SCARB1: variants seen among roughly 807,000 people sequenced by gnomAD.
SCARB1 encodes CD36 and LIMPII analogous 1.
Under a neutral mutation model 57.2 loss-of-function variants are expected in SCARB1, and 30 were observed. The observed-to-expected ratio is 0.52, with a 90% CI of 0.39 to 0.71. SCARB1 has a LOEUF of 0.71. Among genes scored for constraint, SCARB1 ranks in the 30% least tolerant of loss-of-function variants. SCARB1 has a pLI of 0.00. For synonymous variants in SCARB1, 249 were observed against 268.3 expected (o/e 0.93, Z 0.70); for missense variants, 543 against 671.2 (o/e 0.81, Z 2.11).
At chr12:124,819,129 TA>T (rs56299837) in intron 1 of SCARB1, among the ~76,000 whole-genome samples, 104,860 of 137,606 alleles carry the variant, frequency 0.76, 40,263 homozygotes, top group Non-Finnish European at 0.86. Context: ...CCCTGTCTCA[TA>T]AAAAAAAAAA....
chr12:124,793,310 T>A (rs1949796997), intron 9 of SCARB1, among the ~76,000 whole-genome samples: 1 of 152,136 alleles, frequency 6.6e-6, no homozygotes, highest in Non-Finnish European at 1.5e-5. Context: ...CAAATCAGTA[T>A]AATCCCTCAC....
Position 124,778,572 on chromosome 12 carries a change from G to A in SCARB1, c.*15C>T, listed in dbSNP as rs568188228. The A allele has an allele frequency of 5.7e-5, 79 of 1,397,636 alleles. No homozygotes were observed. The highest frequency in any genetic ancestry group is 2.6e-4 in the South Asian group (16 of 60,424). The allele number at this position is 1,397,636 out of a possible 1,614,324, so 86.6% of individuals were successfully genotyped here. A position where few individuals can be genotyped will look rare whatever the true frequency, so the allele number is the denominator to read the frequency against. Reference sequence around the variant, plus strand: ...CAGCGGCCAGGCCTGGCTGGCTCACGGTGTCCTCAGGACCCTGTGGAGAAA... The same window carrying A: ...CAGCGGCCAGGCCTGGCTGGCTCACAGTGTCCTCAGGACCCTGTGGAGAAA... On this transcript the variant is annotated 3_prime_UTR_variant, in exon 13 of 13. Coordinates refer to ENST00000261693, the MANE Select transcript of SCARB1 (RefSeq NM_005505.5).
intron 9 of SCARB1, 113 bp from the exon 10 acceptor site, chr12:124,787,570 A>C (rs1594191352): frequency 1.2e-6 from 1 of 849,070 alleles, no homozygotes. Context: ...CACACACTAA[A>C]CCCTCACCAC....
intron 1 of SCARB1, among the ~76,000 whole-genome samples, chr12:124,842,237 G>T (rs1264924938): frequency 6.6e-6 from 1 of 152,262 alleles, no homozygotes; most frequent in South Asian, 2.1e-4. Context: ...TGCCAGTGCT[G>T]CCTCTGGCCC....
chr12:124,801,026 G>A (rs1594232703), intron 7 of SCARB1, among the ~76,000 whole-genome samples: 2 of 152,062 alleles, frequency 1.3e-5, no homozygotes, highest in East Asian at 1.9e-4. Flanking sequence ...TGGACAATAT[G>A]GCAAGATCCT....
chr12:124,826,778 GA>G (rs948920203), intron 1 of SCARB1, among the ~76,000 whole-genome samples: 1 of 150,438 alleles, frequency 6.6e-6, no homozygotes, highest in Non-Finnish European at 1.5e-5. Flanking sequence ...TATTTTTAAA[GA>G]AAAAAAAATC....
chr12:124,842,281 A>C (rs1951938633), intron 1 of SCARB1, among the ~76,000 whole-genome samples: 1 of 152,184 alleles, frequency 6.6e-6, no homozygotes, highest in African/African-American at 2.4e-5. Flanking sequence ...ACAGGCCTCT[A>C]AGGCTCCAAT....
intron 11 of SCARB1, chr12:124,785,140 C>T (rs777385020): frequency 1.6e-4 from 24 of 152,448 alleles, no homozygotes; most frequent in Non-Finnish European, 3.1e-4. Flanking sequence ...CCATCGACTT[C>T]CTCACGCACT....
rs185914119 is a variant in SCARB1 at position 124,837,762 on chromosome 12, G to C, written c.127-20055C>G. The stretch of plus-strand genomic sequence containing the variant: ...ACCTATAAAAAAAAAAAATGAGCCA[G>C]GCGTGGTGGCACATGCCTGTTGTCC... On this transcript the variant is annotated intron_variant, in intron 1 of 12. Coordinates refer to ENST00000261693, the MANE Select transcript of SCARB1 (RefSeq NM_005505.5). 6.6e-4 allele frequency among the ~76,000 whole-genome samples: 101 copies of C among 151,948 alleles called. 2 individuals are homozygous for C. The highest frequency in any genetic ancestry group is 2.4e-3 in the African/African-American group (98 of 41,420).
chr12:124,793,707 A>AG (rs1949821072), intron 9 of SCARB1, among the ~76,000 whole-genome samples: 1 of 150,924 alleles, frequency 6.6e-6, no homozygotes, highest in African/African-American at 2.4e-5. Flanking sequence ...AAAAAAAAAA[A>AG]AAAAAAAGAA....
intron 1 of SCARB1, among the ~76,000 whole-genome samples, chr12:124,848,658 G>A (rs979367038): frequency 2.0e-5 from 3 of 152,228 alleles, no homozygotes; most frequent in African/African-American, 7.2e-5. Flanking sequence ...ATGTGGTGGT[G>A]GAAGAACACA....
intron 1 of SCARB1, among the ~76,000 whole-genome samples, chr12:124,844,817 CT>C (rs771987604): frequency 0.18 from 25,001 of 140,614 alleles, 2,108 homozygotes; most frequent in East Asian, 0.22. Context: ...TTCTTTCTTT[CT>C]TTTTTTTTTT....
At chr12:124,781,999 G>A (rs773913854) in intron 12 of SCARB1, among the ~76,000 whole-genome samples, 2 of 152,060 alleles carry the variant, frequency 1.3e-5, no homozygotes, top group Non-Finnish European at 2.9e-5. Context: ...TCCATCTCCC[G>A]GGTTCAAGCG....
chr12:124,828,449 C>T (rs115938244), intron 1 of SCARB1, among the ~76,000 whole-genome samples: 128 of 152,296 alleles, frequency 8.4e-4, no homozygotes, highest in African/African-American at 3.0e-3. Flanking sequence ...AATTTAAAGA[C>T]ACAGGGATGA....
chr12:124,840,140 G>A (rs560272899), intron 1 of SCARB1, among the ~76,000 whole-genome samples: 8 of 152,206 alleles, frequency 5.3e-5, no homozygotes, highest in African/African-American at 1.4e-4. Context: ...CTAACGATGA[G>A]CGAGTGTCGC....
At chr12:124,825,399 G>A (rs559813234) in intron 1 of SCARB1, among the ~76,000 whole-genome samples, 3 of 151,600 alleles carry the variant, frequency 2.0e-5, no homozygotes, top group African/African-American at 2.4e-5. Context: ...GGCCAGGCAC[G>A]GGGGCTCACG....
chr12:124,825,253 T>C (rs1951104834), intron 1 of SCARB1, among the ~76,000 whole-genome samples: 1 of 133,672 alleles, frequency 7.5e-6, no homozygotes, highest in African/African-American at 2.8e-5. Flanking sequence ...AAAAAGCTGA[T>C]CCCCACCCAC....
chr12:124,853,792 C>G (rs961378555), intron 1 of SCARB1, among the ~76,000 whole-genome samples: 1 of 152,160 alleles, frequency 6.6e-6, no homozygotes, highest in African/African-American at 2.4e-5. Context: ...GATGACACTC[C>G]AGCATCCACT....
intron 1 of SCARB1, among the ~76,000 whole-genome samples, chr12:124,823,522 T>A (rs1021400869): frequency 2.0e-5 from 3 of 152,118 alleles, no homozygotes; most frequent in African/African-American, 7.2e-5. Context: ...CTTTATGCAT[T>A]GCCGGCAGAA....
Sources: allele counts gnomAD v4.1 joint callset (sites outside exome capture counted in the v4.1 genomes callset), GRCh38; gene constraint gnomAD v4.1.1; transcripts MANE v1.5; gene names NCBI Gene and HGNC (gene_info 2026-07-23, HGNC 2026-07-21).